Variants in XCR1 observed in about 807,000 individuals in gnomAD.
XCR1 encodes the protein chemokine XC receptor 1.
For synonymous variants in XCR1, 187 were observed against 188.5 expected (o/e 0.99, Z 0.06); for missense variants, 356 against 424.2 (o/e 0.84, Z 1.41).
rs1413731432 is a variant in XCR1 at position 46,023,958 on chromosome 3, A to G, written c.-31-1980T>C. 2.1e-6 allele frequency: 3 copies of G among 1,456,802 alleles called. No homozygotes were observed. The Admixed American group carries it at 5.2e-5, about 25-fold the overall frequency. The allele number at this position is 1,456,802 out of a possible 1,614,324, so 90.2% of individuals were successfully genotyped here. ...AGCTGGATGTAGATGCTGATTTTGT[A>G]GAAACGTCAGAATTACGGAGCTTGC... On this transcript the variant is annotated intron_variant, in intron 1 of 1. Coordinates refer to ENST00000309285, the MANE Select transcript of XCR1 (RefSeq NM_001024644.2).
At position 46,077,376 on chromosome 3, in the gene XCR1, C is replaced by T. The variant is rs184847463; in HGVS notation, c.-514-450G>A. Among the ~76,000 whole-genome samples, 27 of 151,740 alleles carry T rather than the reference C, an allele frequency of 1.8e-4. No homozygotes were observed. The East Asian group carries it at 2.3e-3, about 13-fold the overall frequency. On this transcript the variant is annotated intron_variant, in intron 1 of 5. Coordinates refer to the XCR1 transcript ENST00000683768. ...AGGGACCTAGGTTGCATGCTCCTTACGAAAATCTAATTCCTAATGATCTGC... is the reference window on the plus strand; with the variant it reads ...AGGGACCTAGGTTGCATGCTCCTTATGAAAATCTAATTCCTAATGATCTGC...
intron 4 of XCR1, among the ~76,000 whole-genome samples, chr3:46,056,109 T>C (rs1483912844): frequency 6.6e-6 from 1 of 152,200 alleles, no homozygotes; most frequent in African/African-American, 2.4e-5. Flanking sequence ...GCTGGGACTG[T>C]CTTCCTCCAC....
chr3:46,080,961 T>C (rs1165405878), intron 1 of XCR1, among the ~76,000 whole-genome samples: 1 of 152,226 alleles, frequency 6.6e-6, no homozygotes, highest in African/African-American at 2.4e-5. Flanking sequence ...AATTGGACTT[T>C]ATCCAGCTGC....
At chr3:46,070,452 A>T (rs1698146201) in intron 3 of XCR1, among the ~76,000 whole-genome samples, 2 of 151,942 alleles carry the variant, frequency 1.3e-5, no homozygotes, top group Admixed American at 6.6e-5. Flanking sequence ...TGTTTTATTA[A>T]TCTGAGTGCT....
At chr3:46,028,573 T>G (rs1406436088), upstream of XCR1, among the ~76,000 whole-genome samples, 1 of 151,666 alleles carries the variant, frequency 6.6e-6, no homozygotes, top group African/African-American at 2.4e-5. Flanking sequence ...CACAAATGCT[T>G]TACATCTTCT....
chr3:46,067,570 T>TC, intron 3 of XCR1, among the ~76,000 whole-genome samples: 1 of 152,160 alleles, frequency 6.6e-6, no homozygotes, highest in Non-Finnish European at 1.5e-5. Context: ...TGAATAACAC[T>TC]CCTCCCTGGA....
At chr3:46,083,936 C>G (rs1698424869) in intron 1 of XCR1, among the ~76,000 whole-genome samples, 1 of 152,142 alleles carries the variant, frequency 6.6e-6, no homozygotes, top group South Asian at 2.1e-4. Context: ...CTTTTTCATT[C>G]TGGCATAAAA....
At chr3:46,044,419 G>A (rs1319101878) in intron 5 of XCR1, among the ~76,000 whole-genome samples, 3 of 151,858 alleles carry the variant, frequency 2.0e-5, no homozygotes. Context: ...CTTTTAATTA[G>A]GTTGTCAGTT....
chr3:46,054,275 T>G (rs902013732), intron 4 of XCR1, among the ~76,000 whole-genome samples: 7 of 152,104 alleles, frequency 4.6e-5, no homozygotes, highest in African/African-American at 1.4e-4. Context: ...CTTGCAAGAC[T>G]GCATTCTCTA....
chr3:46,062,623 C>T (rs1203977567), intron 4 of XCR1, among the ~76,000 whole-genome samples: 1 of 152,224 alleles, frequency 6.6e-6, no homozygotes, highest in Non-Finnish European at 1.5e-5. Context: ...GGGAATTTTC[C>T]CCAATAGTTC....
At chr3:46,026,563 C>T (rs537028585) in intron 1 of XCR1, among the ~76,000 whole-genome samples, 2 of 151,752 alleles carry the variant, frequency 1.3e-5, no homozygotes, top group African/African-American at 4.8e-5. Flanking sequence ...AGTATGGTTC[C>T]CAGATCCATT....
chr3:46,027,913 G>T (rs1237492410), upstream of XCR1, among the ~76,000 whole-genome samples: 1 of 152,078 alleles, frequency 6.6e-6, no homozygotes, highest in East Asian at 1.9e-4. Context: ...CGTCACTTCA[G>T]CCCCTGATTG....
At chr3:46,058,671 C>A (rs1166828815) in intron 4 of XCR1, among the ~76,000 whole-genome samples, 1 of 152,190 alleles carries the variant, frequency 6.6e-6, no homozygotes, top group Non-Finnish European at 1.5e-5. Context: ...CCTCAGCCTC[C>A]TGAGTAGTTG....
chr3:46,065,240 G>C (rs1281764466), intron 4 of XCR1, among the ~76,000 whole-genome samples: 1 of 152,170 alleles, frequency 6.6e-6, no homozygotes, highest in East Asian at 1.9e-4. Flanking sequence ...TGTAGCAATA[G>C]TCAAAACAAG....
chr3:46,080,561 C>CA (rs1460256492), intron 1 of XCR1, among the ~76,000 whole-genome samples: 15 of 151,746 alleles, frequency 9.9e-5, no homozygotes, highest in African/African-American at 3.6e-4. Context: ...GACCCTGTCT[C>CA]AAAAACAAAA....
chr3:46,058,347 G>C (rs1697893617), intron 4 of XCR1, among the ~76,000 whole-genome samples: 1 of 152,138 alleles, frequency 6.6e-6, no homozygotes, highest in South Asian at 2.1e-4. Context: ...AGAGAAAGTG[G>C]AGAAGGAAAA....
At position 46,017,121 on chromosome 3, in the gene XCR1, A is replaced by G. The variant is rs1708055549; in HGVS notation, c.*3825T>C. On this transcript the variant is annotated 3_prime_UTR_variant, in exon 2 of 2. Coordinates refer to ENST00000309285, the MANE Select transcript of XCR1 (RefSeq NM_001024644.2). ...CAAAGCAAGTAGTTTTACATACATG[A>G]CCTTATGCACAGCCTCATAGTGTGG... 6.6e-6 allele frequency: 1 copy of G among 152,146 alleles called. No individual in the cohort carries two copies. Among genetic ancestry groups the G allele is most frequent in the Non-Finnish European group, 1.5e-5 (1 of 68,026 alleles). The allele number at this position is 152,146 out of a possible 1,614,324, so 9.4% of individuals were successfully genotyped here.
At chr3:46,064,442 G>A (rs1421807570) in intron 4 of XCR1, among the ~76,000 whole-genome samples, 2 of 152,168 alleles carry the variant, frequency 1.3e-5, no homozygotes, top group Non-Finnish European at 2.9e-5. Context: ...TATCATGGGA[G>A]GTTAAATATG....
intron 4 of XCR1, among the ~76,000 whole-genome samples, chr3:46,055,043 C>T (rs192846387): frequency 6.6e-6 from 1 of 152,190 alleles, no homozygotes; most frequent in Non-Finnish European, 1.5e-5. Context: ...AGTTATATCC[C>T]TTGTTGCCCT....
Sources: gnomAD v4.1 joint callset for allele counts (sites outside exome capture counted in the v4.1 genomes callset) on GRCh38, gnomAD v4.1.1 for gene constraint, MANE v1.5 for transcripts, NCBI Gene and HGNC (gene_info 2026-07-23, HGNC 2026-07-21) for gene names.